Variants in COL22A1 observed in about 807,000 individuals in gnomAD.
COL22A1 encodes the protein collagen type XXII alpha 1 chain.
COL22A1 carries 221 observed loss-of-function variants against 248.9 expected under a neutral mutation model. The observed-to-expected ratio is 0.89, with a 90% CI of 0.80 to 0.99. The LOEUF (loss-of-function observed/expected upper bound fraction) is 0.99. Ranked by LOEUF, COL22A1 falls within the 50% of genes least tolerant of loss-of-function variation. The pLI is 0.00. For missense variants in COL22A1, 2,240 were observed against 2,179.0 expected, an observed-to-expected ratio of 1.03 and a Z score of -0.56; for synonymous variants, 891 against 793.4, an observed-to-expected ratio of 1.12 and a Z score of -2.07.
chr8:138,833,783 G>A (rs1820227921), intron 4 of COL22A1, among the ~76,000 whole-genome samples: 1 of 152,122 alleles, frequency 6.6e-6, no homozygotes, highest in Admixed American at 6.6e-5. Context: ...GAAAAATCAG[G>A]GGCTTTGGAC....
At chr8:138,778,234 G>C (rs781586905) in intron 15 of COL22A1, 119 bp downstream of exon 15, 10 of 1,033,646 alleles carry the variant, frequency 9.7e-6, no homozygotes, top group Non-Finnish European at 1.5e-5. Context: ...CACTTCATTG[G>C]CATCAGTAAG....
chr8:138,713,475 T>C (rs12681358), intron 30 of COL22A1, among the ~76,000 whole-genome samples: 119,084 of 152,142 alleles, frequency 0.78, 47,468 homozygotes, highest in Non-Finnish European at 0.86. Context: ...GAACCCATGA[T>C]TTCCCCGCAC....
intron 6 of COL22A1, among the ~76,000 whole-genome samples, 159 bp downstream of exon 6, chr8:138,826,499 T>TC (rs1247234601): frequency 6.6e-6 from 1 of 151,880 alleles, no homozygotes; most frequent in Non-Finnish European, 1.5e-5. Context: ...TCTCATGACA[T>TC]CCCCCCTGCA....
intron 35 of COL22A1, among the ~76,000 whole-genome samples, chr8:138,692,463 ATGTGTGTGTGTGTGTGTGTGTGTG>A (rs145298366): frequency 2.6e-4 from 36 of 136,114 alleles, no homozygotes; most frequent in Admixed American, 8.7e-4. Flanking sequence ...GTGTGAGTGC[ATGTGTGTGTGTGTGTGTGTGTGTG>A]TGTGTGTGTG....
At chr8:138,687,405 C>T (rs1826448463) in intron 37 of COL22A1, among the ~76,000 whole-genome samples, 1 of 152,226 alleles carries the variant, frequency 6.6e-6, no homozygotes, top group Admixed American at 6.5e-5. Context: ...AGGCAAATGA[C>T]ATCTCCTCGT....
intron 54 of COL22A1, among the ~76,000 whole-genome samples, chr8:138,616,529 C>T (rs1332343613): frequency 2.0e-5 from 3 of 152,212 alleles, no homozygotes; most frequent in Non-Finnish European, 4.4e-5. Context: ...AAAAGTGATG[C>T]TTTCCATTTA....
intron 34 of COL22A1, 113 bp from the exon 35 acceptor site, chr8:138,693,812 T>A: frequency 8.9e-7 from 1 of 1,121,802 alleles, no homozygotes; most frequent in Non-Finnish European, 1.3e-6. Flanking sequence ...TATTCCAAAC[T>A]GAAGGGGCCC....
intron 9 of COL22A1, among the ~76,000 whole-genome samples, chr8:138,811,260 C>CATATATAT (rs772821836): frequency 6.8e-6 from 1 of 146,910 alleles, no homozygotes; most frequent in Admixed American, 6.8e-5. Context: ...CAAAACTCTA[C>CATATATAT]ATATATATAT....
At chr8:138,785,252 A>G (rs1815414807) in intron 12 of COL22A1, among the ~76,000 whole-genome samples, 1 of 152,124 alleles carries the variant, frequency 6.6e-6, no homozygotes, top group African/African-American at 2.4e-5. Flanking sequence ...GAGCCAGGAG[A>G]CGGTGGTGAG....
intron 30 of COL22A1, among the ~76,000 whole-genome samples, chr8:138,710,044 G>T (rs1301786968): frequency 1.3e-5 from 2 of 152,170 alleles, no homozygotes; most frequent in African/African-American, 4.8e-5. Flanking sequence ...CACAGGCTTG[G>T]GAGTTGAATC....
intron 3 of COL22A1, among the ~76,000 whole-genome samples, chr8:138,866,150 T>C (rs1384153061): frequency 6.6e-6 from 1 of 152,232 alleles, no homozygotes; most frequent in Non-Finnish European, 1.5e-5. Context: ...CATGCAGCTT[T>C]GACACTTGTT....
At chr8:138,727,034 C>T (rs1252857677) in intron 23 of COL22A1, among the ~76,000 whole-genome samples, 3 of 152,076 alleles carry the variant, frequency 2.0e-5, no homozygotes, top group African/African-American at 7.2e-5. Context: ...GTGGATGTGG[C>T]GTTCTGCATA....
intron 48 of COL22A1, 143 bp downstream of exon 48, chr8:138,636,599 A>G: frequency 1.5e-6 from 1 of 664,116 alleles, no homozygotes; most frequent in South Asian, 1.9e-5. Context: ...AGATACCAAG[A>G]TGAAAACCAT....
At chr8:138,739,437 G>A (rs1229543967) in intron 22 of COL22A1, among the ~76,000 whole-genome samples, 1 of 152,152 alleles carries the variant, frequency 6.6e-6, no homozygotes, top group Non-Finnish European at 1.5e-5. Flanking sequence ...TCTTTGGCCA[G>A]CCTCACCAGA....
intron 8 of COL22A1, among the ~76,000 whole-genome samples, chr8:138,812,430 G>C (rs1237132312): frequency 6.6e-6 from 1 of 152,200 alleles, no homozygotes; most frequent in African/African-American, 2.4e-5. Flanking sequence ...AGCAAGCCTT[G>C]TGACCAGGAC....
In COL22A1 at chr8:138,883,260, C is replaced by T. The variant is rs1355308047; in HGVS notation, c.-72-16G>A. ...GCAGCATGGCCTGTGTGGAGAAAGA[C>T]ACCCTTAGAGAAGGCTCTCAAGCTG... On this transcript the variant is annotated splice_polypyrimidine_tract_variant and intron_variant, in intron 1 of 64. Coordinates refer to ENST00000303045, the MANE Select transcript of COL22A1 (RefSeq NM_152888.3). The T allele has an allele frequency of 2.2e-5, 29 of 1,336,970 alleles. No homozygotes were observed. The highest frequency in any genetic ancestry group is 2.7e-5 in the Non-Finnish European group (26 of 968,704). 82.8% of individuals were successfully genotyped at this position (1,336,970 alleles called of 1,614,324 possible).
Position 138,626,222 on chromosome 8 carries a change from G to A in COL22A1, c.3685C>T (p.Pro1229Ser). Residue 1229 changes from proline to serine, a missense_variant, in exon 51 of 65, where the codon CCC becomes TCC. By Grantham distance (74) the Pro-to-Ser change is moderately conservative. Coordinates refer to ENST00000303045, the MANE Select transcript of COL22A1 (RefSeq NM_152888.3). ...CCGGGTAATCCAGATGGGCCTTGGG[G>A]GCCAGGAGGGCCTTCTTTCCCCTAA... ...GSPGKEGPPG[P>S]QGPSGLPGIP... 6.2e-7 allele frequency: 1 copy of A among 1,607,278 alleles called. No individual in the cohort carries two copies. The highest frequency in any genetic ancestry group is 8.5e-7 in the Non-Finnish European group (1 of 1,177,614).
chr8:138,807,851 T>C, intron 9 of COL22A1, 39 bp from the exon 10 acceptor site: 2 of 1,607,500 alleles, frequency 1.2e-6, no homozygotes, highest in Non-Finnish European at 1.7e-6. Context: ...AGTTTCTATT[T>C]TAATTTTCCC....
At chr8:138,748,099 C>A (rs922213023) in intron 22 of COL22A1, among the ~76,000 whole-genome samples, 7 of 152,178 alleles carry the variant, frequency 4.6e-5, no homozygotes, top group African/African-American at 1.7e-4. Context: ...GATTTCAATG[C>A]TCCCATTGAC....
Sources: gnomAD v4.1 joint callset for allele counts (sites outside exome capture counted in the v4.1 genomes callset) on GRCh38, gnomAD v4.1.1 for gene constraint, MANE v1.5 for transcripts, NCBI Gene and HGNC (gene_info 2026-07-23, HGNC 2026-07-21) for gene names.